GPRC5D: variants seen among roughly 807,000 people sequenced by gnomAD.
The protein encoded by GPRC5D is G protein-coupled receptor class C group 5 member D.
Under a neutral mutation model 29.3 loss-of-function variants are expected in GPRC5D, and 20 were observed. The ratio of observed to expected loss-of-function variants is 0.68; its 90% CI spans 0.48 to 0.99. The LOEUF (loss-of-function observed/expected upper bound fraction) is 0.99, where lower values mean the gene tolerates loss of function less well. Ranked by LOEUF, GPRC5D falls within the 50% of genes least tolerant of loss-of-function variation. The pLI, the probability that GPRC5D is intolerant of heterozygous loss-of-function variation, is 0.00. For missense variants in GPRC5D, 384 were observed against 423.6 expected (o/e 0.91, Z 0.82); for synonymous variants, 178 against 171.3 (o/e 1.04, Z -0.30).
chr12:12,942,377 G>A lies in GPRC5D; in HGVS notation c.896-49C>T, dbSNP rs186556261. ...CTGGGTTAGTGTCCGAGAGTCAATCGGAAACAGCACATGAGGACTACAGGA... is the reference window on the plus strand; with the variant it reads ...CTGGGTTAGTGTCCGAGAGTCAATCAGAAACAGCACATGAGGACTACAGGA... On this transcript the variant is annotated intron_variant, in intron 1 of 2. Coordinates refer to ENST00000228887, the Ensembl canonical transcript of GPRC5D. The A allele has an allele frequency of 1.2e-4, 146 of 1,173,476 alleles. 2 individuals are homozygous for A. Among genetic ancestry groups the A allele is most frequent in the Admixed American group, 8.7e-4 (51 of 58,352 alleles). The allele number at this position is 1,173,476 out of a possible 1,614,324, so 72.7% of individuals were successfully genotyped here. A position where few individuals can be genotyped will look rare whatever the true frequency, so the allele number is the denominator to read the frequency against.
At position 12,947,487 on chromosome 12, in the gene GPRC5D, A is replaced by G. The variant is rs566726278; in HGVS notation, c.895+2003T>C. ...CTTAAGCTTCTGGTTATTTTGCCCAATCTTGGAGGGCAATTCCTTCCCTTC... is the reference window on the plus strand; with the variant it reads ...CTTAAGCTTCTGGTTATTTTGCCCAGTCTTGGAGGGCAATTCCTTCCCTTC... On this transcript the variant is annotated intron_variant, in intron 1 of 2. Transcript: ENST00000228887. 1.3e-4 allele frequency among the ~76,000 whole-genome samples: 20 copies of G among 151,964 alleles called. 1 individual carries two copies. The South Asian group carries it at 3.1e-3, about 24-fold the overall frequency.
upstream of GPRC5D, chr12:12,952,030 T>C (rs142914954): frequency 2.0e-5 from 3 of 152,278 alleles, no homozygotes; most frequent in East Asian, 3.9e-4. Context: ...TCTACTTCCC[T>C]TCAGTTATCC....
chr12:12,949,492 C>A, exon 1 of GPRC5D: 1 of 1,611,876 alleles, frequency 6.2e-7, no homozygotes, highest in Non-Finnish European at 8.5e-7. Flanking sequence ...GAATGTACCT[C>A]TGGAGAGCTC....
intron 1 of GPRC5D, among the ~76,000 whole-genome samples, chr12:12,948,749 A>T (rs983795655): frequency 2.6e-5 from 4 of 152,156 alleles, no homozygotes; most frequent in Admixed American, 2.0e-4. Context: ...GCCATGGATA[A>T]TGTATTTTAT....
At chr12:12,944,109 C>T (rs1863216306) in intron 1 of GPRC5D, among the ~76,000 whole-genome samples, 2 of 152,142 alleles carry the variant, frequency 1.3e-5, no homozygotes, top group Admixed American at 1.3e-4. Flanking sequence ...TATGCTCTCA[C>T]TCCCTGAATT....
upstream of GPRC5D, among the ~76,000 whole-genome samples, chr12:12,951,128 CAAAA>C (rs1863484430): frequency 1.3e-5 from 2 of 152,008 alleles, no homozygotes; most frequent in Admixed American, 6.6e-5. Flanking sequence ...AACCGAAAAA[CAAAA>C]AACACACAAA....
intron 1 of GPRC5D, among the ~76,000 whole-genome samples, chr12:12,945,009 T>C (rs1421039557): frequency 6.7e-6 from 1 of 150,196 alleles, no homozygotes; most frequent in Non-Finnish European, 1.5e-5. Context: ...CTCTTTCTCT[T>C]TCTCTCTTTC....
downstream of GPRC5D, chr12:12,940,711 G>T: frequency 1.1e-6 from 1 of 924,162 alleles, no homozygotes; most frequent in East Asian, 2.4e-5. Context: ...GCCCCCGTGG[G>T]CTATCAGGGC....
chr12:12,945,028 G>A (rs1002422869), intron 1 of GPRC5D, among the ~76,000 whole-genome samples: 4 of 131,348 alleles, frequency 3.0e-5, no homozygotes, highest in African/African-American at 5.8e-5. Context: ...TCTTTCTTTC[G>A]AGTCTCGTTC....
chr12:12,945,967 T>C (rs1863304423), intron 1 of GPRC5D, among the ~76,000 whole-genome samples: 1 of 152,220 alleles, frequency 6.6e-6, no homozygotes, highest in South Asian at 2.1e-4. Flanking sequence ...CCTACAGTAA[T>C]ACACCTGATT....
At chr12:12,944,748 C>G (rs527820621) in intron 1 of GPRC5D, among the ~76,000 whole-genome samples, 2 of 46,498 alleles carry the variant, frequency 4.3e-5, no homozygotes, top group Non-Finnish European at 8.4e-5. Context: ...TTTCTTCCTT[C>G]CTTCCTTCCT....
chr12:12,947,239 G>C (rs1490658732), intron 1 of GPRC5D: 1 of 152,164 alleles, frequency 6.6e-6, no homozygotes, highest in African/African-American at 2.4e-5. Context: ...AAAGACAGTG[G>C]TAAGTTGTTT....
chr12:12,941,189 G>T (rs1365806772), intron 2 of GPRC5D, among the ~76,000 whole-genome samples: 1 of 152,160 alleles, frequency 6.6e-6, no homozygotes, highest in Non-Finnish European at 1.5e-5. Context: ...GGGATTACAG[G>T]CATGAACCAC....
intron 2 of GPRC5D, among the ~76,000 whole-genome samples, chr12:12,941,498 C>G (rs148753135): frequency 6.6e-6 from 1 of 152,258 alleles, no homozygotes; most frequent in East Asian, 1.9e-4. Flanking sequence ...TAGGAAAAGG[C>G]AAATTCTCAG....
intron 1 of GPRC5D, chr12:12,948,527 A>G (rs1297040035): frequency 1.3e-5 from 2 of 154,398 alleles, no homozygotes; most frequent in African/African-American, 4.8e-5. Flanking sequence ...GCTGTACAAT[A>G]TATAAAATAA....
At chr12:12,943,997 C>T (rs569686260) in intron 1 of GPRC5D, among the ~76,000 whole-genome samples, 2 of 152,268 alleles carry the variant, frequency 1.3e-5, no homozygotes, top group South Asian at 2.1e-4. Flanking sequence ...ATCTGAGGCT[C>T]CTAGGGCTTG....
chr12:12,951,927 G>A (rs922543622), upstream of GPRC5D, among the ~76,000 whole-genome samples: 7 of 151,810 alleles, frequency 4.6e-5, no homozygotes, highest in Non-Finnish European at 7.4e-5. Flanking sequence ...AGTTTAGTAC[G>A]AAAGTCCATG....
chr12:12,949,651 G>A, exon 1 of GPRC5D: 1 of 1,614,176 alleles, frequency 6.2e-7, no homozygotes, highest in Non-Finnish European at 8.5e-7. Flanking sequence ...GGTGACCAGA[G>A]CAATGCAGAC....
chr12:12,948,315 A>G (rs1863405785), intron 1 of GPRC5D: 1 of 152,760 alleles, frequency 6.5e-6, no homozygotes, highest in South Asian at 2.1e-4. Context: ...CCAACAAGCA[A>G]TGGAAAACTT....
Sources: allele counts gnomAD v4.1 joint callset (sites outside exome capture counted in the v4.1 genomes callset), GRCh38; gene constraint gnomAD v4.1.1; transcripts MANE v1.5; gene names NCBI Gene and HGNC (gene_info 2026-07-23, HGNC 2026-07-21).